Variants in AP1S1 observed in about 807,000 individuals in gnomAD.
AP1S1 encodes the protein AP-1 complex subunit sigma-1A.
Under a neutral mutation model 23.9 loss-of-function variants are expected in AP1S1, and 13 were observed. The ratio of observed to expected loss-of-function variants is 0.54; its 90% CI spans 0.35 to 0.86. The LOEUF is 0.86. Among genes scored for constraint, AP1S1 ranks in the 40% least tolerant of loss-of-function variants. The pLI is 0.01. For synonymous variants in AP1S1, 84 were observed against 77.7 expected (o/e 1.08, Z -0.43); for missense variants, 119 against 197.6 (o/e 0.60, Z 2.38).
chr7:101,161,024 T>C lies in AP1S1; in HGVS notation c.*458T>C, dbSNP rs1163666310. 5.7e-6 allele frequency: 2 copies of C among 349,508 alleles called. No homozygotes were observed. The highest frequency in any genetic ancestry group is 2.2e-5 in the South Asian group (1 of 45,608). 21.7% of individuals were successfully genotyped at this position (349,508 alleles called of 1,614,324 possible). A position where few individuals can be genotyped will look rare whatever the true frequency, so the allele number is the denominator to read the frequency against. On this transcript the variant is annotated 3_prime_UTR_variant, in exon 5 of 5. Coordinates refer to ENST00000337619, the MANE Select transcript of AP1S1 (RefSeq NM_001283.5). ...CCTGGGAGGGGAGCCTGGACCCCCC[T>C]CTTTCTCCTTGGCTGCAGTGGGGCC...
At chr7:101,155,184 C>A (rs565035586) in intron 1 of AP1S1, among the ~76,000 whole-genome samples, 9 of 152,072 alleles carry the variant, frequency 5.9e-5, no homozygotes, top group African/African-American at 9.6e-5. Context: ...GAGCGCCGCA[C>A]GAGGCTCCCC....
At chr7:101,156,540 A>C in intron 1 of AP1S1, 54 bp from the exon 2 acceptor site, 1 of 1,547,506 alleles carries the variant, frequency 6.5e-7, no homozygotes, top group Non-Finnish European at 8.8e-7. Context: ...TTAGCTGGAG[A>C]TAAGTTTGGG....
rs13244603 is a variant in AP1S1, at chr7:101,160,209, C to A, written c.430-310C>A. Among the ~76,000 whole-genome samples the A allele has an allele frequency of 0.15, 23,262 of 151,876 alleles. 1,882 individuals are homozygous for A. Among genetic ancestry groups the A allele is most frequent in the South Asian group, 0.18 (882 of 4,800 alleles). ...CCCCCACCTCCTTGTCCCGGCTTCACTCCCTTTACCCCCAGGTGTCAAGGC... is the reference window on the plus strand; with the variant it reads ...CCCCCACCTCCTTGTCCCGGCTTCAATCCCTTTACCCCCAGGTGTCAAGGC... On this transcript the variant is annotated intron_variant, in intron 4 of 4. Coordinates refer to ENST00000337619, the MANE Select transcript of AP1S1 (RefSeq NM_001283.5).
intron 1 of AP1S1, chr7:101,154,966 C>T: frequency 2.9e-6 from 3 of 1,017,724 alleles, no homozygotes; most frequent in African/African-American, 1.7e-5. Flanking sequence ...GGGGAGTTTC[C>T]GGGTCGGAAA....
rs559897692 is a variant in AP1S1 at position 101,154,505 on chromosome 7, A to G, written c.-10A>G. On this transcript the variant is annotated 5_prime_UTR_variant, in exon 1 of 5. Coordinates refer to ENST00000337619, the MANE Select transcript of AP1S1 (RefSeq NM_001283.5). ...GCCGAAGTGGGACGCGCCGAGCCGG[A>G]GGCTGCAGGATGGTAGGCTGTGCGA... 2 of 1,563,790 alleles carry G rather than the reference A, an allele frequency of 1.3e-6. No homozygotes were observed. The highest frequency in any genetic ancestry group is 1.9e-4 in the Middle Eastern group (1 of 5,264).
chr7:101,157,881 G>A (rs1797019462), intron 3 of AP1S1, among the ~76,000 whole-genome samples: 1 of 152,180 alleles, frequency 6.6e-6, no homozygotes, highest in African/African-American at 2.4e-5. Flanking sequence ...TAACCTCTGG[G>A]CTCAAGCCAT....
At position 101,160,755 on chromosome 7, in the gene AP1S1, C is replaced by G. The variant is rs559161974; in HGVS notation, c.*189C>G. The G allele has an allele frequency of 5.3e-4, 399 of 754,188 alleles. 3 individuals are homozygous for G. Among genetic ancestry groups the G allele is most frequent in the South Asian group, 4.9e-3 (331 of 67,944 alleles). The allele number at this position is 754,188 out of a possible 1,614,324, so 46.7% of individuals were successfully genotyped here. Reference sequence around the variant, plus strand: ...CCTCCACCCCCTACCTCCACTTTCCCCTTTTCCCACTGAAGGTTTTAGAAG... The same window carrying G: ...CCTCCACCCCCTACCTCCACTTTCCGCTTTTCCCACTGAAGGTTTTAGAAG... On this transcript the variant is annotated 3_prime_UTR_variant, in exon 5 of 5. Coordinates refer to ENST00000337619, the MANE Select transcript of AP1S1 (RefSeq NM_001283.5).
chr7:101,159,900 C>A (rs1428671509), intron 4 of AP1S1, among the ~76,000 whole-genome samples: 1 of 151,460 alleles, frequency 6.6e-6, no homozygotes, highest in Non-Finnish European at 1.5e-5. Flanking sequence ...CTCATCTTTG[C>A]AGTGGGAGAG....
intron 1 of AP1S1, chr7:101,154,972 G>A: frequency 4.9e-6 from 5 of 1,017,210 alleles, no homozygotes; most frequent in Non-Finnish European, 5.9e-6. Context: ...TTTCCGGGTC[G>A]GAAAAGGGAG....
chr7:101,157,517 C>T, intron 3 of AP1S1, 32 bp downstream of exon 3: 1 of 1,498,436 alleles, frequency 6.7e-7, no homozygotes, highest in Non-Finnish European at 9.1e-7. Context: ...GTTTCCATTC[C>T]CAGCAATCCC....
chr7:101,159,010 G>A, intron 3 of AP1S1, 49 bp from the exon 4 acceptor site: 1 of 1,601,856 alleles, frequency 6.2e-7, no homozygotes, highest in Non-Finnish European at 8.5e-7. Flanking sequence ...AAAGGAAGTG[G>A]CTCCAGTTGC....
rs1307365749 is a variant in AP1S1 at position 101,159,485 on chromosome 7, C to G, written c.429+289C>G. 3 of 431,238 alleles carry G rather than the reference C, an allele frequency of 7.0e-6. No individual in the cohort carries two copies. The Admixed American group carries it at 1.3e-4, about 19-fold the overall frequency. The allele number at this position is 431,238 out of a possible 1,614,324, so 26.7% of individuals were successfully genotyped here. A position where few individuals can be genotyped will look rare whatever the true frequency, so the allele number is the denominator to read the frequency against. ...CACCCAGTCTCCTTTGTCCAATTCT[C>G]TGAGCAAGGCTTAACACCAAAGGGT... On this transcript the variant is annotated intron_variant, in intron 4 of 4. Transcript: ENST00000337619.
intron 1 of AP1S1, among the ~76,000 whole-genome samples, chr7:101,155,830 C>T (rs1432137352): frequency 6.6e-6 from 1 of 152,180 alleles, no homozygotes; most frequent in Non-Finnish European, 1.5e-5. Flanking sequence ...AGAGAACAGG[C>T]ATTTCTTTGG....
chr7:101,158,166 A>C (rs1182865198), intron 3 of AP1S1, among the ~76,000 whole-genome samples: 1 of 152,080 alleles, frequency 6.6e-6, no homozygotes, highest in Non-Finnish European at 1.5e-5. Flanking sequence ...TTTGAATGGC[A>C]ATGTCCAGGT....
chr7:101,156,928 T>G (rs1797001734), intron 2 of AP1S1, among the ~76,000 whole-genome samples, 156 bp downstream of exon 2: 1 of 151,450 alleles, frequency 6.6e-6, no homozygotes, highest in Admixed American at 6.6e-5. Flanking sequence ...TTTTTTTTTT[T>G]TCTCCCCAAA....
chr7:101,156,580 C>T lies in AP1S1; in HGVS notation c.4-14C>T, dbSNP rs779573603. The T allele has an allele frequency of 8.7e-6, 14 of 1,606,692 alleles. No individual in the cohort carries two copies. Among genetic ancestry groups the T allele is most frequent in the Non-Finnish European group, 1.1e-5 (13 of 1,175,800 alleles). On this transcript the variant is annotated splice_polypyrimidine_tract_variant and intron_variant, in intron 1 of 4. Coordinates refer to ENST00000337619, the MANE Select transcript of AP1S1 (RefSeq NM_001283.5). ...GTGTGGTTACCCTCGGTTCTGCCCT[C>T]CCATCCCCCACAGATGCGGTTCATG...
At chr7:101,155,336 G>A (rs1369171006) in intron 1 of AP1S1, among the ~76,000 whole-genome samples, 1 of 152,226 alleles carries the variant, frequency 6.6e-6, no homozygotes, top group African/African-American at 2.4e-5. Flanking sequence ...GGGGTAAGGA[G>A]AAGACTCCAG....
intron 2 of AP1S1, 37 bp from the exon 3 acceptor site, chr7:101,157,340 A>T: frequency 6.6e-7 from 1 of 1,506,794 alleles, no homozygotes; most frequent in Non-Finnish European, 9.0e-7. Context: ...GTCCTGAAGC[A>T]AGCTTGTAGC....
intron 1 of AP1S1, among the ~76,000 whole-genome samples, chr7:101,156,256 CAT>C (rs1198503600): frequency 6.6e-6 from 1 of 152,118 alleles, no homozygotes; most frequent in East Asian, 1.9e-4. Context: ...TAATAGCTAA[CAT>C]GTTATACTGC....
Sources: allele counts gnomAD v4.1 joint callset (sites outside exome capture counted in the v4.1 genomes callset), GRCh38; gene constraint gnomAD v4.1.1; transcripts MANE v1.5; gene names NCBI Gene and HGNC (gene_info 2026-07-23, HGNC 2026-07-21).